Variants in PATL1 observed in about 807,000 individuals in gnomAD.
PATL1 encodes the protein PAT1 homolog 1, processing body mRNA decay factor.
In PATL1, 32 loss-of-function variants were observed where a neutral mutation model predicts 100.6. The ratio of observed to expected loss-of-function variants is 0.32; its 90% confidence interval spans 0.24 to 0.43. PATL1 has a LOEUF of 0.43. Among genes scored for constraint, PATL1 ranks in the 20% least tolerant of loss-of-function variants. The probability of loss-of-function intolerance (pLI) is 1.00; values close to 1 mark genes in which losing one functional copy is unlikely to be tolerated. For synonymous variants in PATL1, 332 were observed against 330.0 expected, an observed-to-expected ratio of 1.01 and a Z score of -0.07; for missense variants, 747 against 949.9, an observed-to-expected ratio of 0.79 and a Z score of 2.81.
chr11:59,643,061 T>C (rs752494867), intron 15 of PATL1, 26 bp from the exon 16 acceptor site: 16 of 1,609,324 alleles, frequency 9.9e-6, no homozygotes, highest in Non-Finnish European at 1.4e-5. Context: ...AAAAGCATTA[T>C]ATCCTGGCAC....
Position 59,663,102 on chromosome 11 carries a change from T to C in PATL1, c.128-3633A>G, listed in dbSNP as rs187240049. Reference sequence around the variant, plus strand: ...ATCTTTTTCAAATGACCTAAAAATATAGTTACTTAGATATGCCAGTGCTTG... The same window carrying C: ...ATCTTTTTCAAATGACCTAAAAATACAGTTACTTAGATATGCCAGTGCTTG... On this transcript the variant is annotated intron_variant, in intron 2 of 18. Transcript: ENST00000300146. 2.2e-4 allele frequency among the ~76,000 whole-genome samples: 33 copies of C among 152,276 alleles called. No individual in the cohort carries two copies. The East Asian group carries it at 6.4e-3, about 29-fold the overall frequency.
rs1251018623 is a variant in PATL1 at position 59,637,047 on chromosome 11, G to A, written c.*1343C>T. The A allele has an allele frequency of 6.6e-6, 1 of 152,598 alleles. No homozygotes were observed. Among genetic ancestry groups the A allele is most frequent in the Non-Finnish European group, 1.5e-5 (1 of 68,036 alleles). 9.5% of individuals were successfully genotyped at this position (152,598 alleles called of 1,614,324 possible). A position where few individuals can be genotyped will look rare whatever the true frequency, so the allele number is the denominator to read the frequency against. On this transcript the variant is annotated 3_prime_UTR_variant, in exon 19 of 19. Coordinates refer to ENST00000300146, the MANE Select transcript of PATL1 (RefSeq NM_152716.3). ...TCTTACTGTTGTACAATACATGTAT[G>A]TGCAAAATGTTTATTCTCTTTAAAT...
intron 14 of PATL1, among the ~76,000 whole-genome samples, 191 bp downstream of exon 14, chr11:59,649,267 CTTTT>C (rs1337764290): frequency 6.6e-6 from 1 of 151,664 alleles, no homozygotes; most frequent in Non-Finnish European, 1.5e-5. Flanking sequence ...AGGATAAAGA[CTTTT>C]TTTTTCTTTC....
chr11:59,654,123 A>G, intron 8 of PATL1, 51 bp from the exon 9 acceptor site: 2 of 1,441,148 alleles, frequency 1.4e-6, no homozygotes, highest in South Asian at 2.3e-5. Context: ...GATGACTTGA[A>G]ATTTTAAAGA....
At chr11:59,651,682 A>T (rs1362356116) in intron 11 of PATL1, 41 bp from the exon 12 acceptor site, 4 of 1,308,428 alleles carry the variant, frequency 3.1e-6, no homozygotes, top group Non-Finnish European at 4.3e-6. Flanking sequence ...CAAAATAAAA[A>T]GTCAGCAATG....
intron 1 of PATL1, 106 bp from the exon 2 acceptor site, chr11:59,667,070 T>C (rs1254591005): frequency 3.5e-6 from 5 of 1,430,016 alleles, no homozygotes; most frequent in Admixed American, 3.0e-5. Flanking sequence ...AATTGCTTCA[T>C]TATGACTTTT....
chr11:59,646,937 G>A (rs1235201377), intron 15 of PATL1, among the ~76,000 whole-genome samples: 3 of 152,104 alleles, frequency 2.0e-5, no homozygotes, highest in Non-Finnish European at 2.9e-5. Context: ...GGGCTGGCTC[G>A]GGCTGGACAC....
chr11:59,655,160 G>T (rs1376538939), intron 8 of PATL1, among the ~76,000 whole-genome samples: 3 of 152,034 alleles, frequency 2.0e-5, no homozygotes, highest in Non-Finnish European at 4.4e-5. Context: ...TGGTTCTCGT[G>T]TGTCTCTTGA....
intron 14 of PATL1, 90 bp from the exon 15 acceptor site, chr11:59,648,003 C>G: frequency 8.9e-7 from 1 of 1,118,238 alleles, no homozygotes; most frequent in South Asian, 1.7e-5. Flanking sequence ...AATGAATATA[C>G]TGCATTCATT....
intron 14 of PATL1, among the ~76,000 whole-genome samples, chr11:59,648,591 C>G (rs557596938): frequency 1.3e-5 from 2 of 150,760 alleles, no homozygotes; most frequent in Non-Finnish European, 3.0e-5. Context: ...TTTTAAACAA[C>G]ATTTTGCTTT....
In PATL1 at chr11:59,655,725, T is replaced by A. The variant is rs1253582390; in HGVS notation, c.829A>T (p.Met277Leu). 5 of 1,594,868 alleles carry A rather than the reference T, an allele frequency of 3.1e-6. No homozygotes were observed. Among genetic ancestry groups the A allele is most frequent in the Non-Finnish European group, 4.3e-6 (5 of 1,170,572 alleles). ...ACCCGTGCAAACTGGCTGGGAGACA[T>A]CCGTCCAGGCTGTAGCTACAAAGAG... ...LGGAQLQPGR[M>L]SPSQFARVPG... The change falls in exon 8 of 19, where the codon ATG (methionine) becomes TTG (leucine). Residue 277 changes from methionine (M) to leucine (L), a missense_variant. By Grantham distance (15) the Met-to-Leu change is conservative. Transcript: ENST00000300146.
chr11:59,653,114 T>A lies in PATL1; in HGVS notation c.1122-96A>T, dbSNP rs536211304. ...CCAGGCCAGTTTTTTTTTTTTTTTT[T>A]AAAGATTCCCGTTTGCTTTTCTTAA... On this transcript the variant is annotated intron_variant, in intron 9 of 18. Coordinates refer to ENST00000300146, the MANE Select transcript of PATL1 (RefSeq NM_152716.3). 3.1e-3 allele frequency: 3,163 copies of A among 1,008,076 alleles called. 54 individuals are homozygous for A. The African/African-American group carries it at 0.044, about 14-fold the overall frequency. The allele number at this position is 1,008,076 out of a possible 1,614,324, so 62.4% of individuals were successfully genotyped here.
intron 8 of PATL1, among the ~76,000 whole-genome samples, chr11:59,655,084 T>A (rs553414279): frequency 1.3e-5 from 2 of 152,342 alleles, no homozygotes; most frequent in South Asian, 4.1e-4. Context: ...TCAGCCTCTA[T>A]AATCACGAGC....
chr11:59,652,474 G>C lies in PATL1; in HGVS notation c.1416C>G (p.Ala472=). 1.2e-6 allele frequency: 2 copies of C among 1,613,098 alleles called. No individual in the cohort carries two copies. The highest frequency in any genetic ancestry group is 1.7e-6 in the Non-Finnish European group (2 of 1,179,596). The part of the protein sequence containing the change: ...ITPQVAKLEH[A]YKPVQFEGSL... ...TTATGAGGACCTTACCTGGCTTATA[G>C]GCGTGCTCCAGTTTGGCCACCTGAG... The change falls in exon 11 of 19, where the codon GCC becomes GCG. Residue 472 remains alanine (A), a synonymous_variant. Coordinates refer to ENST00000300146, the MANE Select transcript of PATL1 (RefSeq NM_152716.3).
chr11:59,658,919 T>TC lies in PATL1; in HGVS notation c.372_373insG (p.Ile125AspfsTer6). The TC allele has an allele frequency of 6.5e-7, 1 of 1,550,354 alleles. No individual in the cohort carries two copies. The highest frequency in any genetic ancestry group is 8.7e-7 in the Non-Finnish European group (1 of 1,146,688). ...CTCAGAACTTCAGATCCATCCCAGATACTGGAATTCAGACTTCCTGGTTGG... is the reference window on the plus strand; with the variant it reads ...CTCAGAACTTCAGATCCATCCCAGATCACTGGAATTCAGACTTCCTGGTTGG... On this transcript the variant is annotated frameshift_variant, in exon 4 of 19. Transcript: ENST00000300146. LOFTEE classifies it high-confidence loss of function.
At chr11:59,638,582 C>T (rs1861226087) in intron 18 of PATL1, among the ~76,000 whole-genome samples, 171 bp from the exon 19 acceptor site, 1 of 152,172 alleles carries the variant, frequency 6.6e-6, no homozygotes, top group African/African-American at 2.4e-5. Context: ...GTACCCAGTT[C>T]AGTGTTTTAT....
intron 15 of PATL1, among the ~76,000 whole-genome samples, chr11:59,646,196 T>TA (rs1359749175): frequency 6.6e-6 from 1 of 152,232 alleles, no homozygotes; most frequent in African/African-American, 2.4e-5. Context: ...AGGTAGCTGT[T>TA]ACTTTTTTAG....
At chr11:59,655,776 C>G (rs1205058537) in intron 7 of PATL1, 36 bp from the exon 8 acceptor site, 1 of 1,522,392 alleles carries the variant, frequency 6.6e-7, no homozygotes, top group African/African-American at 1.4e-5. Flanking sequence ...TTTAGACAAT[C>G]AGCAAGTCCC....
rs556818626 is a variant in PATL1, at chr11:59,657,876, TTC to T, written c.427-154_427-153del. Among the ~76,000 whole-genome samples the T allele has an allele frequency of 1.2e-4, 18 of 152,288 alleles. No individual in the cohort carries two copies. In the South Asian group the frequency reaches 3.7e-3, roughly 32 times the overall value. On this transcript the variant is annotated intron_variant, in intron 4 of 18. Coordinates refer to ENST00000300146, the MANE Select transcript of PATL1 (RefSeq NM_152716.3). Reference sequence around the variant, plus strand: ...GTAAAATTCACTTTTTGGTATATGGTTCTCTGAGTTTGGTAAGCGGCTCATGC... The same window carrying T: ...GTAAAATTCACTTTTTGGTATATGGTTCTGAGTTTGGTAAGCGGCTCATGC...
Sources: gnomAD v4.1 joint callset for allele counts (sites outside exome capture counted in the v4.1 genomes callset) on GRCh38, gnomAD v4.1.1 for gene constraint, MANE v1.5 for transcripts, NCBI Gene and HGNC (gene_info 2026-07-23, HGNC 2026-07-21) for gene names.